ITPR2: variants seen among roughly 807,000 people sequenced by gnomAD.
ITPR2 encodes the protein inositol 1,4,5-trisphosphate-gated calcium channel ITPR2.
ITPR2 carries 207 observed loss-of-function variants against 317.1 expected under a neutral mutation model. The ratio of observed to expected loss-of-function variants is 0.65; its 90% CI spans 0.58 to 0.73. The LOEUF (loss-of-function observed/expected upper bound fraction) is 0.73. Ranked by LOEUF, ITPR2 falls within the 30% of genes least tolerant of loss-of-function variation. The pLI is 0.00. For missense variants in ITPR2, 2,613 were observed against 3,284.0 expected (o/e 0.80, Z 4.99); for synonymous variants, 1,156 against 1,149.1 (o/e 1.01, Z -0.12).
At chr12:26,441,585 G>A (rs901887297) in intron 46 of ITPR2, among the ~76,000 whole-genome samples, 22 of 152,152 alleles carry the variant, frequency 1.4e-4, no homozygotes, top group Admixed American at 1.4e-3. Context: ...CTCTGAGTAG[G>A]TCATGTGAGC....
chr12:26,810,233 T>C (rs1950710032), intron 1 of ITPR2, among the ~76,000 whole-genome samples: 1 of 152,234 alleles, frequency 6.6e-6, no homozygotes, highest in African/African-American at 2.4e-5. Context: ...TTTTTTAGTT[T>C]TCTTATAAAG....
intron 36 of ITPR2, among the ~76,000 whole-genome samples, chr12:26,554,249 T>C (rs952470122): frequency 5.9e-5 from 9 of 152,210 alleles, no homozygotes; most frequent in Non-Finnish European, 1.2e-4. Context: ...CCAAATTTGG[T>C]AGCCATTAGC....
At chr12:26,438,452 G>A (rs966063720) in intron 47 of ITPR2, among the ~76,000 whole-genome samples, 1 of 152,042 alleles carries the variant, frequency 6.6e-6, no homozygotes, top group Non-Finnish European at 1.5e-5. Flanking sequence ...TTCCCCCATT[G>A]ACTTTCGTGA....
At chr12:26,723,300 AT>A (rs1322901939) in intron 4 of ITPR2, among the ~76,000 whole-genome samples, 5 of 152,180 alleles carry the variant, frequency 3.3e-5, no homozygotes, top group South Asian at 2.1e-4. Context: ...TTGAAAAAAA[AT>A]CAGCATTTTA....
chr12:26,353,199 A>C (rs757288422), intron 55 of ITPR2, among the ~76,000 whole-genome samples: 1 of 152,200 alleles, frequency 6.6e-6, no homozygotes, highest in Non-Finnish European at 1.5e-5. Context: ...TTTTTAGTTT[A>C]CTGGGCTCAT....
At chr12:26,682,424 G>T (rs772377780) in intron 12 of ITPR2, 150 bp downstream of exon 12, 6 of 597,982 alleles carry the variant, frequency 1.0e-5, no homozygotes, top group African/African-American at 3.8e-5. Context: ...TAAGCAACTG[G>T]CAGACATGCA....
intron 13 of ITPR2, among the ~76,000 whole-genome samples, chr12:26,679,439 C>A (rs924948428): frequency 6.6e-6 from 1 of 152,096 alleles, no homozygotes; most frequent in Non-Finnish European, 1.5e-5. Flanking sequence ...TCCCATGAAG[C>A]CATCACCAAG....
At chr12:26,539,339 C>T (rs916725217) in intron 37 of ITPR2, among the ~76,000 whole-genome samples, 16 of 152,186 alleles carry the variant, frequency 1.1e-4, no homozygotes, top group Admixed American at 8.5e-4. Context: ...AACTCAGTGT[C>T]CCAGTTCATG....
intron 26 of ITPR2, among the ~76,000 whole-genome samples, chr12:26,615,956 C>T (rs182002382): frequency 9.2e-5 from 14 of 152,058 alleles, no homozygotes; most frequent in African/African-American, 3.1e-4. Flanking sequence ...TCTTCTCAAG[C>T]CACAATGGAC....
chr12:26,775,897 C>A (rs1004194426), intron 2 of ITPR2, among the ~76,000 whole-genome samples: 68 of 86,466 alleles, frequency 7.9e-4, no homozygotes, highest in African/African-American at 1.9e-3. Flanking sequence ...ACCTTGTGAT[C>A]GTGTCAGTCA....
In ITPR2 at chr12:26,439,250, G is replaced by C. The variant is rs144805961; in HGVS notation, c.6520C>G (p.Arg2174Gly). 16 of 1,612,900 alleles carry C rather than the reference G, an allele frequency of 9.9e-6. No homozygotes were observed. In the East Asian group the frequency reaches 3.3e-4, roughly 34 times the overall value. Residue 2174 changes from arginine to glycine, a missense_variant, in exon 47 of 57, where the codon CGA becomes GGA. Arg to Gly is a moderately radical substitution (Grantham distance 125). This residue lies in a region of ITPR2 where 926 missense variants were observed against 1,072.8 expected (regional missense o/e 0.86). Transcript: ENST00000381340. The stretch of plus-strand genomic sequence containing the variant: ...TTGAACACACGGCACTTGGATTCTC[G>C]AGTGAGGTATTCACATATATTGGGG... ...PVPNICEYLT[R>G]ESKCRVFNTT...
At chr12:26,376,702 T>TTTTC (rs368067657) in intron 55 of ITPR2, among the ~76,000 whole-genome samples, 9,802 of 151,708 alleles carry the variant, frequency 0.065, 442 homozygotes, top group Non-Finnish European at 0.099. Context: ...CTTTCTTTTT[T>TTTTC]TTTCTTTCTT....
At chr12:26,591,731 G>A (rs1338118200) in intron 32 of ITPR2, among the ~76,000 whole-genome samples, 4 of 151,396 alleles carry the variant, frequency 2.6e-5, no homozygotes, top group South Asian at 4.2e-4. Context: ...CCAGCTACTC[G>A]AGAGGCTGAG....
chr12:26,604,493 C>T (rs1946077833), intron 26 of ITPR2, among the ~76,000 whole-genome samples: 1 of 152,198 alleles, frequency 6.6e-6, no homozygotes, highest in East Asian at 1.9e-4. Flanking sequence ...CTTCTCCCTG[C>T]TTCATCCCTG....
At chr12:26,485,418 AATGGGTTAGGATAGGCCCATGGG>A (rs1942643651) in intron 41 of ITPR2, among the ~76,000 whole-genome samples, 1 of 152,182 alleles carries the variant, frequency 6.6e-6, no homozygotes, top group Non-Finnish European at 1.5e-5. Flanking sequence ...TGCCAGACGA[AATGGGTTAGGATAGGCCCATGGG>A]CACTGATCCA....
At position 26,458,059 on chromosome 12, in the gene ITPR2, G is replaced by A. The variant is rs77296819; in HGVS notation, c.6343-14409C>T. ...ATCAGAAGCTATGGAAATGTTTGGT[G>A]AGGAGACAGACAGGATCAGCTGACC... On this transcript the variant is annotated intron_variant, in intron 45 of 56. Transcript: ENST00000381340. Among the ~76,000 whole-genome samples, 166 of 152,330 alleles carry A rather than the reference G, an allele frequency of 1.1e-3. 1 individual carries two copies. The highest frequency in any genetic ancestry group is 3.9e-3 in the African/African-American group (162 of 41,570).
chr12:26,682,742 C>G lies in ITPR2; in HGVS notation c.1149-69G>C, dbSNP rs181332273. The G allele has an allele frequency of 3.6e-5, 31 of 870,866 alleles. No homozygotes were observed. In the African/African-American group the frequency reaches 4.9e-4, roughly 14 times the overall value. 53.9% of individuals were successfully genotyped at this position (870,866 alleles called of 1,614,324 possible). A position where few individuals can be genotyped will look rare whatever the true frequency, so the allele number is the denominator to read the frequency against. The stretch of plus-strand genomic sequence containing the variant: ...CACACTTACATATTAACATCTTTAA[C>G]AGTTTCATATATTATATGAACATAA... On this transcript the variant is annotated intron_variant, in intron 11 of 56. Coordinates refer to ENST00000381340, the MANE Select transcript of ITPR2 (RefSeq NM_002223.4).
intron 45 of ITPR2, among the ~76,000 whole-genome samples, chr12:26,466,393 C>T (rs898436617): frequency 6.6e-6 from 1 of 152,212 alleles, no homozygotes; most frequent in African/African-American, 2.4e-5. Flanking sequence ...AGAGCTACCA[C>T]TGATAAACTG....
chr12:26,574,913 T>G (rs955746660), intron 34 of ITPR2, among the ~76,000 whole-genome samples: 2 of 151,756 alleles, frequency 1.3e-5, no homozygotes, highest in Non-Finnish European at 2.9e-5. Flanking sequence ...TCATGACAGA[T>G]CTGTCCCCAC....
Sources: allele counts gnomAD v4.1 joint callset (sites outside exome capture counted in the v4.1 genomes callset), GRCh38; gene constraint gnomAD v4.1.1; regional missense constraint gnomAD v4.1.1; transcripts MANE v1.5; gene names NCBI Gene and HGNC (gene_info 2026-07-23, HGNC 2026-07-21).